The following MACROD2 variants were observed in gnomAD, a reference collection of about 807,000 sequenced individuals.
The protein encoded by MACROD2 is mono-ADP ribosylhydrolase 2.
In MACROD2, 36 loss-of-function variants were observed where a neutral mutation model predicts 70.4. That is an observed-to-expected ratio of 0.51 (90% CI 0.39 to 0.68). The LOEUF (loss-of-function observed/expected upper bound fraction) is 0.68, where lower values mean the gene tolerates loss of function less well. Among genes scored for constraint, MACROD2 ranks in the 30% least tolerant of loss-of-function variants. MACROD2 has a pLI of 0.00. For missense variants in MACROD2, 496 were observed against 538.4 expected (o/e 0.92, Z 0.78); for synonymous variants, 172 against 178.8 (o/e 0.96, Z 0.30).
At chr20:15,515,952 T>C (rs925836395) in intron 8 of MACROD2, among the ~76,000 whole-genome samples, 1 of 152,154 alleles carries the variant, frequency 6.6e-6, no homozygotes, top group African/African-American at 2.4e-5. Context: ...TCAGGACAAA[T>C]TGGAGACAGT....
intron 15 of MACROD2, among the ~76,000 whole-genome samples, chr20:16,001,570 G>C (rs768591720): frequency 3.3e-5 from 5 of 152,100 alleles, no homozygotes; most frequent in Non-Finnish European, 5.9e-5. Context: ...TTTCAGAGAT[G>C]TTGTCATAGT....
In MACROD2 at chr20:14,392,089, A is replaced by G. The variant is rs777078105; in HGVS notation, c.272-101390A>G. Among the ~76,000 whole-genome samples the G allele has an allele frequency of 2.0e-5, 3 of 151,562 alleles. No individual in the cohort carries two copies. The South Asian group carries it at 6.3e-4, about 32-fold the overall frequency. On this transcript the variant is annotated intron_variant, in intron 3 of 17. Transcript: ENST00000684519. ...TTCTTTTAATTTCATTTGTTATTCT[A>G]TTCCCATAGAATACATTTTTATATT...
At chr20:14,114,262 G>T (rs2054488620) in intron 3 of MACROD2, among the ~76,000 whole-genome samples, 1 of 152,120 alleles carries the variant, frequency 6.6e-6, no homozygotes, top group Non-Finnish European at 1.5e-5. Flanking sequence ...TCCCAAGGAT[G>T]AGTCTAATTA....
intron 3 of MACROD2, among the ~76,000 whole-genome samples, chr20:14,339,106 C>T (rs2082985006): frequency 6.6e-6 from 1 of 152,110 alleles, no homozygotes; most frequent in South Asian, 2.1e-4. Flanking sequence ...TCTTCATTAG[C>T]TTCATTTAGT....
intron 6 of MACROD2, among the ~76,000 whole-genome samples, chr20:15,364,182 G>A (rs528220460): frequency 1.3e-5 from 2 of 152,302 alleles, no homozygotes; most frequent in African/African-American, 4.8e-5. Flanking sequence ...TGGACTTCAT[G>A]ATTGTGCTTC....
intron 6 of MACROD2, among the ~76,000 whole-genome samples, chr20:15,362,248 C>T (rs2423955): frequency 0.047 from 7,188 of 152,082 alleles, 459 homozygotes; most frequent in East Asian, 0.29. Context: ...CCCACCCCGG[C>T]CTCCCAAAGT....
chr20:15,143,662 G>C (rs2076208768), intron 5 of MACROD2, among the ~76,000 whole-genome samples: 1 of 152,038 alleles, frequency 6.6e-6, no homozygotes, highest in South Asian at 2.1e-4. Context: ...ACATTGCAAA[G>C]TGTTGGCCAT....
intron 5 of MACROD2, among the ~76,000 whole-genome samples, chr20:14,718,328 T>C (rs1332481789): frequency 7.3e-6 from 1 of 137,308 alleles, no homozygotes; most frequent in East Asian, 2.1e-4. Flanking sequence ...AGAAGAGATA[T>C]ATATGTGTAT....
chr20:14,069,092 G>A (rs2053806033), intron 2 of MACROD2, among the ~76,000 whole-genome samples: 2 of 152,018 alleles, frequency 1.3e-5, no homozygotes, highest in Admixed American at 1.3e-4. Flanking sequence ...GGGATTACAG[G>A]CCCCCGCCAT....
intron 4 of MACROD2, among the ~76,000 whole-genome samples, chr20:14,527,434 T>G (rs982800511): frequency 3.9e-5 from 6 of 152,040 alleles, no homozygotes; most frequent in African/African-American, 1.4e-4. Flanking sequence ...TCTGTATCAT[T>G]TAAAGGGACC....
At chr20:15,820,659 C>G (rs916255692) in intron 8 of MACROD2, among the ~76,000 whole-genome samples, 3 of 152,132 alleles carry the variant, frequency 2.0e-5, no homozygotes, top group Admixed American at 1.3e-4. Flanking sequence ...TATATATTTT[C>G]TTAAATGTGT....
chr20:15,031,886 C>A (rs1407161974), intron 5 of MACROD2, among the ~76,000 whole-genome samples: 2 of 152,140 alleles, frequency 1.3e-5, no homozygotes, highest in Admixed American at 1.3e-4. Flanking sequence ...CCTTTCTCCC[C>A]AGGACCCTTT....
At chr20:15,743,055 G>A (rs1325627458) in intron 8 of MACROD2, among the ~76,000 whole-genome samples, 1 of 152,102 alleles carries the variant, frequency 6.6e-6, no homozygotes, top group Admixed American at 6.5e-5. Context: ...CATATTCAAA[G>A]TAGCCCTCAC....
intron 8 of MACROD2, among the ~76,000 whole-genome samples, chr20:15,722,624 A>G (rs937301233): frequency 1.4e-4 from 21 of 152,256 alleles, no homozygotes; most frequent in African/African-American, 5.1e-4. Flanking sequence ...GAATACTAGT[A>G]CTTTGCCAGG....
intron 3 of MACROD2, among the ~76,000 whole-genome samples, chr20:14,359,382 T>C (rs1015399859): frequency 6.6e-6 from 1 of 152,116 alleles, no homozygotes; most frequent in Non-Finnish European, 1.5e-5. Context: ...TGTAAACTAG[T>C]ACAGCCATTA....
intron 2 of MACROD2, among the ~76,000 whole-genome samples, chr20:14,019,417 G>A (rs751376322): frequency 4.5e-4 from 68 of 152,176 alleles, no homozygotes; most frequent in Middle Eastern, 3.4e-3. Context: ...GACCAGGCAC[G>A]TGCCACCATG....
Position 14,943,001 on chromosome 20 carries a change from G to A in MACROD2, c.418+258042G>A, listed in dbSNP as rs187716180. Among the ~76,000 whole-genome samples, 152 of 152,278 alleles carry A rather than the reference G, an allele frequency of 1.0e-3. 2 individuals carry two copies. The highest frequency in any genetic ancestry group is 6.8e-3 in the Middle Eastern group (2 of 294). On this transcript the variant is annotated intron_variant, in intron 5 of 17. Coordinates refer to ENST00000684519, the MANE Select transcript of MACROD2 (RefSeq NM_001351661.2). ...TATTTTACCTGCTGTTTCAAAGGCT[G>A]GCAGCTTGTATTCATCACCTGAATG...
chr20:14,186,383 T>C (rs1468063484), intron 3 of MACROD2, among the ~76,000 whole-genome samples: 1 of 152,038 alleles, frequency 6.6e-6, no homozygotes, highest in Non-Finnish European at 1.5e-5. Context: ...ATTAGAGAAA[T>C]GCAAATCAAA....
chr20:14,230,654 T>TATATATATATATA, intron 3 of MACROD2, among the ~76,000 whole-genome samples: 1 of 74,240 alleles, frequency 1.3e-5, no homozygotes, highest in African/African-American at 6.8e-5. Context: ...TATATATATA[T>TATATATATATATA]AACACAGGCT....
Sources: gnomAD v4.1 joint callset for allele counts (sites outside exome capture counted in the v4.1 genomes callset) on GRCh38, gnomAD v4.1.1 for gene constraint, MANE v1.5 for transcripts, NCBI Gene and HGNC (gene_info 2026-07-23, HGNC 2026-07-21) for gene names.